Variants in CFAP299 observed in about 807,000 individuals in gnomAD.
CFAP299 encodes cilia- and flagella-associated protein 299.
Under a neutral mutation model 27.0 loss-of-function variants are expected in CFAP299, and 21 were observed. The ratio of observed to expected loss-of-function variants is 0.78; its 90% CI spans 0.55 to 1.12. The LOEUF (loss-of-function observed/expected upper bound fraction) is 1.12. Among genes scored for constraint, CFAP299 ranks in the 50% most tolerant of loss-of-function variants. The probability of loss-of-function intolerance (pLI) is 0.00; values close to 1 mark genes in which losing one functional copy is unlikely to be tolerated. For synonymous variants in CFAP299, 104 were observed against 98.1 expected (o/e 1.06, Z -0.36); for missense variants, 310 against 276.6 (o/e 1.12, Z -0.86).
At chr4:80,466,949 T>C (rs1254036300) in intron 2 of CFAP299, among the ~76,000 whole-genome samples, 1 of 152,234 alleles carries the variant, frequency 6.6e-6, no homozygotes, top group East Asian at 1.9e-4. Flanking sequence ...CATGCCTCTC[T>C]GTCAATTACA....
chr4:80,945,102 G>C (rs78647918), intron 5 of CFAP299, among the ~76,000 whole-genome samples, 163 bp downstream of exon 5: 5,827 of 152,294 alleles, frequency 0.038, 220 homozygotes, highest in African/African-American at 0.097. Flanking sequence ...AAAAAACACT[G>C]CATAGCTTCA....
chr4:80,596,343 C>A (rs1737059364), intron 3 of CFAP299, among the ~76,000 whole-genome samples: 2 of 152,280 alleles, frequency 1.3e-5, no homozygotes, highest in African/African-American at 4.8e-5. Context: ...TGCATTTCAG[C>A]AAGTTCTAAT....
intron 1 of CFAP299, among the ~76,000 whole-genome samples, chr4:80,355,135 C>G (rs1578347176): frequency 6.6e-6 from 1 of 152,216 alleles, no homozygotes; most frequent in East Asian, 1.9e-4. Flanking sequence ...TTTACACTCC[C>G]ACCAACAATG....
At chr4:80,354,172 G>A (rs1723148433) in intron 1 of CFAP299, among the ~76,000 whole-genome samples, 1 of 152,132 alleles carries the variant, frequency 6.6e-6, no homozygotes, top group African/African-American at 2.4e-5. Flanking sequence ...TGAACAGATG[G>A]TGAATCTCAC....
rs560138685 is a variant in CFAP299, at chr4:80,812,301, G to T, written c.334-57692G>T. ...GTCCCTGCCTCCCATGAGACTGCAG[G>T]TGTGGGTGCACACACTGACACTGTG... On this transcript the variant is annotated intron_variant, in intron 3 of 5. Transcript: ENST00000358105. 1.6e-4 allele frequency among the ~76,000 whole-genome samples: 25 copies of T among 152,116 alleles called. No homozygotes were observed. In the South Asian group the frequency reaches 5.2e-3, roughly 32 times the overall value.
intron 3 of CFAP299, among the ~76,000 whole-genome samples, chr4:80,594,672 TG>T (rs1736968015): frequency 6.6e-6 from 1 of 152,198 alleles, no homozygotes; most frequent in African/African-American, 2.4e-5. Flanking sequence ...ACTGTTGTTT[TG>T]TTTTGTTTTG....
intron 2 of CFAP299, among the ~76,000 whole-genome samples, chr4:80,574,308 C>G (rs1175054581): frequency 1.3e-5 from 2 of 152,028 alleles, no homozygotes; most frequent in Non-Finnish European, 2.9e-5. Flanking sequence ...ATTTTGTATT[C>G]TGCAACATTA....
intron 2 of CFAP299, among the ~76,000 whole-genome samples, chr4:80,449,609 A>G (rs1728802245): frequency 6.6e-6 from 1 of 151,758 alleles, no homozygotes; most frequent in Non-Finnish European, 1.5e-5. Context: ...AAAACGTTTT[A>G]AATTATGATC....
At chr4:80,656,389 C>T (rs756543234) in intron 3 of CFAP299, among the ~76,000 whole-genome samples, 5 of 152,000 alleles carry the variant, frequency 3.3e-5, no homozygotes, top group South Asian at 4.2e-4. Context: ...CCCCAGCCCC[C>T]GACAGACCCC....
intron 2 of CFAP299, among the ~76,000 whole-genome samples, chr4:80,553,098 T>C (rs1734607969): frequency 6.6e-6 from 1 of 152,152 alleles, no homozygotes; most frequent in Admixed American, 6.6e-5. Flanking sequence ...GATTATTTTA[T>C]TACCCAGGTA....
rs567439922 is a variant in CFAP299, at chr4:80,701,039, G to A, written c.333+117856G>A. On this transcript the variant is annotated intron_variant, in intron 3 of 5. Coordinates refer to ENST00000358105, the MANE Select transcript of CFAP299 (RefSeq NM_152770.3). ...GAGGTGTAAGAGGCTAAGCTGGAGC[G>A]GGTGGCCTTGAACCAAGTACTGTCT... Among the ~76,000 whole-genome samples, 11 of 152,080 alleles carry A rather than the reference G, an allele frequency of 7.2e-5. 1 individual carries two copies. Among genetic ancestry groups the A allele is most frequent in the African/African-American group, 1.9e-4 (8 of 41,500 alleles).
At chr4:80,600,312 T>TCC (rs1737267846) in intron 3 of CFAP299, among the ~76,000 whole-genome samples, 1 of 152,108 alleles carries the variant, frequency 6.6e-6, no homozygotes, top group South Asian at 2.1e-4. Flanking sequence ...GTGAATGAAC[T>TCC]CCCCTTTTAC....
At chr4:80,677,707 A>AT (rs1164603715) in intron 3 of CFAP299, among the ~76,000 whole-genome samples, 3 of 152,078 alleles carry the variant, frequency 2.0e-5, no homozygotes, top group Admixed American at 6.5e-5. Flanking sequence ...GATATTCACT[A>AT]TTTTTTTACT....
At chr4:80,678,192 C>T (rs1053059808) in intron 3 of CFAP299, among the ~76,000 whole-genome samples, 2 of 151,802 alleles carry the variant, frequency 1.3e-5, no homozygotes, top group Non-Finnish European at 2.9e-5. Flanking sequence ...AAATCCTGTC[C>T]GCTCTTCTCT....
chr4:80,447,349 A>T (rs951569937), intron 2 of CFAP299, among the ~76,000 whole-genome samples: 13 of 149,928 alleles, frequency 8.7e-5, no homozygotes, highest in African/African-American at 3.2e-4. Flanking sequence ...TTTAGCCGGG[A>T]TGGTCTCGAT....
intron 2 of CFAP299, among the ~76,000 whole-genome samples, chr4:80,517,954 C>A (rs1386032662): frequency 6.6e-6 from 1 of 152,064 alleles, no homozygotes; most frequent in African/African-American, 2.4e-5. Flanking sequence ...TTGCTGAGAT[C>A]TAAGAATAGA....
At chr4:80,891,836 A>AG (rs1475954992) in intron 4 of CFAP299, among the ~76,000 whole-genome samples, 1 of 135,626 alleles carries the variant, frequency 7.4e-6, no homozygotes, top group Non-Finnish European at 1.5e-5. Flanking sequence ...AAAGGAAAAA[A>AG]AAAAAAAAAA....
chr4:80,360,097 G>T (rs1206595443), intron 1 of CFAP299, among the ~76,000 whole-genome samples: 3 of 152,220 alleles, frequency 2.0e-5, no homozygotes, highest in African/African-American at 4.8e-5. Flanking sequence ...TAGGGGGCCA[G>T]TGCTTAACTG....
At chr4:80,945,379 T>C (rs28565500) in intron 5 of CFAP299, among the ~76,000 whole-genome samples, 15,658 of 152,228 alleles carry the variant, frequency 0.1, 1,382 homozygotes, top group African/African-American at 0.22. Flanking sequence ...ATGGTTTGGC[T>C]CTTAATGTAT....
Sources: gnomAD v4.1 joint callset for allele counts (sites outside exome capture counted in the v4.1 genomes callset) on GRCh38, gnomAD v4.1.1 for gene constraint, MANE v1.5 for transcripts, NCBI Gene and HGNC (gene_info 2026-07-23, HGNC 2026-07-21) for gene names.